THSD7A: variants seen among roughly 807,000 people sequenced by gnomAD.
The protein encoded by THSD7A is thrombospondin type 1 domain containing 7A.
In THSD7A, 96 loss-of-function variants were observed where a neutral mutation model predicts 231.3. The observed-to-expected ratio is 0.41, with a 90% CI of 0.35 to 0.49. The LOEUF (loss-of-function observed/expected upper bound fraction) is 0.49, where lower values mean the gene tolerates loss of function less well. Ranked by LOEUF, THSD7A falls within the 20% of genes least tolerant of loss-of-function variation. THSD7A has a pLI of 0.05. For missense variants in THSD7A, 2,290 were observed against 2,070.2 expected (o/e 1.11, Z -2.06); for synonymous variants, 940 against 743.3 (o/e 1.26, Z -4.30).
At chr7:11,824,958 T>G (rs1784981861) in intron 1 of THSD7A, among the ~76,000 whole-genome samples, 2 of 152,110 alleles carry the variant, frequency 1.3e-5, no homozygotes, top group African/African-American at 4.8e-5. Context: ...AACCCTAAAT[T>G]TGGTGCTCAA....
At chr7:11,700,939 A>G (rs1240990332) in intron 1 of THSD7A, among the ~76,000 whole-genome samples, 1 of 151,256 alleles carries the variant, frequency 6.6e-6, no homozygotes, top group Non-Finnish European at 1.5e-5. Context: ...GTCCTCTTTA[A>G]AGCAATGAGA....
chr7:11,663,198 T>C (rs940485668), intron 1 of THSD7A, among the ~76,000 whole-genome samples: 3 of 151,328 alleles, frequency 2.0e-5, no homozygotes, highest in African/African-American at 7.2e-5. Flanking sequence ...TCTTCTTTAA[T>C]TTATTCTTCA....
intron 6 of THSD7A, among the ~76,000 whole-genome samples, chr7:11,483,617 T>G (rs982223162): frequency 2.0e-5 from 3 of 152,146 alleles, no homozygotes; most frequent in Admixed American, 6.5e-5. Context: ...GCATTTAATA[T>G]TTTACACTTG....
At chr7:11,630,059 T>C (rs1781600000) in intron 2 of THSD7A, among the ~76,000 whole-genome samples, 1 of 152,174 alleles carries the variant, frequency 6.6e-6, no homozygotes, top group African/African-American at 2.4e-5. Context: ...ATCCCAATTA[T>C]CCATTACTGA....
intron 2 of THSD7A, among the ~76,000 whole-genome samples, chr7:11,603,995 A>T (rs1780649104): frequency 6.6e-6 from 1 of 151,768 alleles, no homozygotes; most frequent in Non-Finnish European, 1.5e-5. Context: ...AATCTGCACA[A>T]TGTGCACATG....
At position 11,717,579 on chromosome 7, in the gene THSD7A, G is replaced by A. The variant is rs1420880621; in HGVS notation, c.191-80618C>T. Among the ~76,000 whole-genome samples, 3 of 151,686 alleles carry A rather than the reference G, an allele frequency of 2.0e-5. No individual in the cohort carries two copies. The East Asian group carries it at 5.9e-4, about 30-fold the overall frequency. ...ACCTTTCAGCAAGATGGAGGATTCTGATCTGTCCTGTGACATCTGGCCTGC... is the reference window on the plus strand; with the variant it reads ...ACCTTTCAGCAAGATGGAGGATTCTAATCTGTCCTGTGACATCTGGCCTGC... On this transcript the variant is annotated intron_variant, in intron 1 of 27. Transcript: ENST00000423059.
intron 4 of THSD7A, among the ~76,000 whole-genome samples, chr7:11,556,888 C>T (rs1562715986): frequency 6.6e-6 from 1 of 151,932 alleles, no homozygotes; most frequent in African/African-American, 2.4e-5. Flanking sequence ...CTTTCAAATA[C>T]TTTTATCTTT....
chr7:11,463,973 T>C (rs1268642213), intron 9 of THSD7A, among the ~76,000 whole-genome samples: 2 of 152,194 alleles, frequency 1.3e-5, no homozygotes, highest in African/African-American at 4.8e-5. Context: ...TTCTATTTTT[T>C]GCTTTGGTCA....
chr7:11,446,445 G>T lies in THSD7A; in HGVS notation c.2801-121C>A. The T allele has an allele frequency of 1.8e-6, 2 of 1,138,044 alleles. No individual in the cohort carries two copies. Among genetic ancestry groups the T allele is most frequent in the Non-Finnish European group, 2.5e-6 (2 of 805,404 alleles). 70.5% of individuals were successfully genotyped at this position (1,138,044 alleles called of 1,614,324 possible). A position where few individuals can be genotyped will look rare whatever the true frequency, so the allele number is the denominator to read the frequency against. Reference sequence around the variant, plus strand: ...TCATTTTTAACCATATTTAACAGTAGCCTATAAATCAATGCTATTTTCTCA... The same window carrying T: ...TCATTTTTAACCATATTTAACAGTATCCTATAAATCAATGCTATTTTCTCA... On this transcript the variant is annotated intron_variant, in intron 12 of 27. Transcript: ENST00000423059. The surrounding 1 kb of genome is among the most constrained non-coding windows in gnomAD (Gnocchi z 4.0).
intron 1 of THSD7A, among the ~76,000 whole-genome samples, chr7:11,670,284 C>T (rs1156696741): frequency 6.6e-6 from 1 of 152,142 alleles, no homozygotes; most frequent in African/African-American, 2.4e-5. Context: ...CCTTTAGGTT[C>T]TGTGGTGTAG....
chr7:11,517,363 C>G (rs549922865), intron 6 of THSD7A, among the ~76,000 whole-genome samples: 12 of 152,166 alleles, frequency 7.9e-5, no homozygotes, highest in Non-Finnish European at 1.3e-4. Context: ...CAGGCGTGAG[C>G]CACCATGCCC....
intron 2 of THSD7A, among the ~76,000 whole-genome samples, chr7:11,622,338 A>G (rs1781338595): frequency 6.6e-6 from 1 of 152,008 alleles, no homozygotes; most frequent in Non-Finnish European, 1.5e-5. Context: ...TTACCATCTA[A>G]TTATTTTAAG....
chr7:11,539,158 T>C (rs1442859829), intron 6 of THSD7A, among the ~76,000 whole-genome samples: 1 of 152,216 alleles, frequency 6.6e-6, no homozygotes, highest in Non-Finnish European at 1.5e-5. Flanking sequence ...TTGGTGCAGC[T>C]GCTAAACACT....
chr7:11,526,769 A>C (rs1254650636), intron 6 of THSD7A, among the ~76,000 whole-genome samples: 2 of 152,146 alleles, frequency 1.3e-5, no homozygotes, highest in East Asian at 3.9e-4. Flanking sequence ...CCATGATTGT[A>C]AATTTTCTGA....
chr7:11,395,831 T>C lies in THSD7A; in HGVS notation c.4411+5964A>G, dbSNP rs914975274. On this transcript the variant is annotated intron_variant, in intron 23 of 27. Transcript: ENST00000423059. Reference sequence around the variant, plus strand: ...ATGAGCCACCGTGCCCGGCCCAGAATATACACTCTTCTCAGCACCACATTG... The same window carrying C: ...ATGAGCCACCGTGCCCGGCCCAGAACATACACTCTTCTCAGCACCACATTG... Among the ~76,000 whole-genome samples, 3 of 152,122 alleles carry C rather than the reference T, an allele frequency of 2.0e-5. No homozygotes were observed. In the East Asian group the frequency reaches 5.8e-4, roughly 29 times the overall value.
intron 7 of THSD7A, among the ~76,000 whole-genome samples, chr7:11,475,428 C>T (rs921619249): frequency 1.3e-5 from 2 of 151,874 alleles, no homozygotes; most frequent in African/African-American, 4.8e-5. Context: ...GACTGTCCAC[C>T]GTGAAGCCTG....
intron 6 of THSD7A, among the ~76,000 whole-genome samples, chr7:11,539,622 T>A (rs1476980263): frequency 2.0e-5 from 3 of 152,106 alleles, no homozygotes; most frequent in African/African-American, 7.2e-5. Context: ...AGCTAGGAGG[T>A]AATTACTTGT....
chr7:11,398,117 C>G (rs11772111), intron 23 of THSD7A, among the ~76,000 whole-genome samples: 2 of 152,006 alleles, frequency 1.3e-5, no homozygotes, highest in Non-Finnish European at 2.9e-5. Context: ...TTCACAATAG[C>G]GAAGACTTGG....
chr7:11,500,313 G>A (rs1166143603), intron 6 of THSD7A, among the ~76,000 whole-genome samples: 4 of 152,026 alleles, frequency 2.6e-5, no homozygotes, highest in African/African-American at 9.7e-5. Context: ...ATCTTGAAAG[G>A]AGCACTAAAT....
Sources: allele counts gnomAD v4.1 joint callset (sites outside exome capture counted in the v4.1 genomes callset), GRCh38; gene constraint gnomAD v4.1.1; non-coding constraint Gnocchi (gnomAD v3.1); transcripts MANE v1.5; gene names NCBI Gene and HGNC (gene_info 2026-07-23, HGNC 2026-07-21).